Variants in CPNE2 observed in about 807,000 individuals in gnomAD.
CPNE2 encodes the protein copine-2.
A neutral mutation model predicts 69.7 loss-of-function variants in CPNE2; 42 were observed. The observed-to-expected ratio is 0.60, with a 90% CI of 0.47 to 0.78. The LOEUF is 0.78. Among genes scored for constraint, CPNE2 ranks in the 30% least tolerant of loss-of-function variants. The pLI, the probability that CPNE2 is intolerant of heterozygous loss-of-function variation, is 0.00. For synonymous variants in CPNE2, 294 were observed against 289.8 expected (o/e 1.01, Z -0.15); for missense variants, 587 against 732.0 (o/e 0.80, Z 2.29).
chr16:57,134,628 T>G (rs2069863598), intron 12 of CPNE2, 147 bp from the exon 13 acceptor site: 2 of 766,122 alleles, frequency 2.6e-6, no homozygotes, highest in African/African-American at 1.8e-5. Context: ...AAAGCAGATG[T>G]GGGGGGTATC....
rs2069811459 is a variant in CPNE2, at chr16:57,127,835, C to T, written c.1062-14C>T. On this transcript the variant is annotated splice_polypyrimidine_tract_variant and intron_variant, in intron 11 of 15. Transcript: ENST00000290776. ...AGGTGTCTTACAGTGTGTTTCTCTT[C>T]TCTCTCTGATTAGTGATAAGATGTT... 1 of 1,612,404 alleles carries T rather than the reference C, an allele frequency of 6.2e-7. No individual in the cohort carries two copies. Among genetic ancestry groups the T allele is most frequent in the Non-Finnish European group, 8.5e-7 (1 of 1,179,830 alleles).
intron 1 of CPNE2, among the ~76,000 whole-genome samples, chr16:57,093,076 T>TGG (rs1288880348): frequency 2.6e-5 from 4 of 151,544 alleles, no homozygotes; most frequent in African/African-American, 9.7e-5. Flanking sequence ...CCAGCTGCTT[T>TGG]GGGGACCCTT....
intron 15 of CPNE2, chr16:57,147,303 A>G: frequency 2.7e-6 from 1 of 375,720 alleles, no homozygotes; most frequent in South Asian, 1.3e-4. Flanking sequence ...GTTACTCCCA[A>G]GCATCTCAAG....
Position 57,123,402 on chromosome 16 carries a change from G to T in CPNE2, c.868-12G>T, listed in dbSNP as rs370770978. ...GTCAAGGGGACCCACTGACTCATCC[G>T]CTTTCTTCCAGATAAACCGAGACTA... is the stretch of plus-strand genomic sequence containing the variant. On this transcript the variant is annotated splice_polypyrimidine_tract_variant and intron_variant, in intron 9 of 15. Coordinates refer to ENST00000290776, the MANE Select transcript of CPNE2 (RefSeq NM_152727.6). The T allele has an allele frequency of 6.2e-7, 1 of 1,612,268 alleles. No homozygotes were observed. Among genetic ancestry groups the T allele is most frequent in the South Asian group, 1.1e-5 (1 of 91,082 alleles).
At chr16:57,113,182 G>A in intron 2 of CPNE2, 106 bp from the exon 3 acceptor site, 1 of 1,039,114 alleles carries the variant, frequency 9.6e-7, no homozygotes. Flanking sequence ...CAAGAGCCTG[G>A]CACAGAGTAG....
intron 1 of CPNE2, among the ~76,000 whole-genome samples, chr16:57,101,065 G>A (rs80148285): frequency 0.069 from 10,519 of 152,200 alleles, 630 homozygotes; most frequent in African/African-American, 0.14. Context: ...ATTATGTGTG[G>A]CCCTCATTCA....
chr16:57,131,744 C>T (rs2069840102), intron 12 of CPNE2, among the ~76,000 whole-genome samples: 1 of 152,242 alleles, frequency 6.6e-6, no homozygotes, highest in African/African-American at 2.4e-5. Context: ...CCCTCACCCT[C>T]TCTCGCATTC....
At chr16:57,134,888 G>A (rs2069867179) in intron 13 of CPNE2, 62 bp downstream of exon 13, 10 of 1,535,798 alleles carry the variant, frequency 6.5e-6, no homozygotes, top group African/African-American at 2.7e-5. Flanking sequence ...AGCTCCCTGG[G>A]TGGAGGGAGG....
At chr16:57,126,480 G>A (rs1356465894) in intron 11 of CPNE2, among the ~76,000 whole-genome samples, 1 of 151,316 alleles carries the variant, frequency 6.6e-6, no homozygotes, top group African/African-American at 2.5e-5. Context: ...CCATGACCTT[G>A]CTTCCTGGGG....
At chr16:57,110,252 T>C (rs1427251836) in intron 1 of CPNE2, among the ~76,000 whole-genome samples, 1 of 141,338 alleles carries the variant, frequency 7.1e-6, no homozygotes, top group Non-Finnish European at 1.5e-5. Context: ...TGAGATGGTA[T>C]CATTCTGTCG....
rs1412376948 is a variant in CPNE2 at position 57,092,612 on chromosome 16, G to C, written c.-214G>C. ...GCCCGCCCGGCCCGGGAGGAGGACC[G>C]GACCCCGAGCGGCTGGGAGCGCACG... is the stretch of plus-strand genomic sequence containing the variant. On this transcript the variant is annotated 5_prime_UTR_variant, in exon 1 of 16. Transcript: ENST00000290776. This position sits in a 1 kb window ranked among gnomAD's most constrained non-coding sequence, Gnocchi z 5.3. 1 of 149,600 alleles carries C rather than the reference G, an allele frequency of 6.7e-6. No homozygotes were observed. The highest frequency in any genetic ancestry group is 1.5e-5 in the Non-Finnish European group (1 of 67,066). 9.3% of individuals were successfully genotyped at this position (149,600 alleles called of 1,614,324 possible). A position where few individuals can be genotyped will look rare whatever the true frequency, so the allele number is the denominator to read the frequency against.
chr16:57,133,318 G>A (rs8052631), intron 12 of CPNE2, among the ~76,000 whole-genome samples: 144,281 of 152,110 alleles, frequency 0.95, 68,439 homozygotes, highest in Middle Eastern at 0.99. Context: ...TGCCTGAAAC[G>A]GGGAGGAGTC....
At chr16:57,145,965 C>T (rs190228418) in intron 14 of CPNE2, 120 bp from the exon 15 acceptor site, 26 of 813,878 alleles carry the variant, frequency 3.2e-5, no homozygotes, top group Non-Finnish European at 5.0e-5. Flanking sequence ...GACTTGGCTG[C>T]AGCTGGGTAA....
At chr16:57,125,303 G>A (rs555721273) in intron 10 of CPNE2, 3 of 456,094 alleles carry the variant, frequency 6.6e-6, no homozygotes, top group East Asian at 6.9e-5. Flanking sequence ...TCCAGAGTAC[G>A]TGCTGCGGTG....
chr16:57,095,498 G>T (rs1346908217), intron 1 of CPNE2, among the ~76,000 whole-genome samples: 1 of 151,974 alleles, frequency 6.6e-6, no homozygotes, highest in Non-Finnish European at 1.5e-5. Context: ...TTTGAGACAG[G>T]ATCTTGCTCT....
At chr16:57,147,376 C>T (rs1207976569) in intron 15 of CPNE2, 175 bp from the exon 16 acceptor site, 2 of 424,256 alleles carry the variant, frequency 4.7e-6, no homozygotes, top group Non-Finnish European at 8.4e-6. Flanking sequence ...GAATTTCAGG[C>T]CTGGCCTGGG....
intron 12 of CPNE2, among the ~76,000 whole-genome samples, chr16:57,129,842 G>A (rs1292231557): frequency 6.6e-6 from 1 of 152,010 alleles, no homozygotes; most frequent in Non-Finnish European, 1.5e-5. Context: ...AGTGGTTGAT[G>A]GGTCAATGGG....
chr16:57,141,211 T>G (rs1181218373), intron 14 of CPNE2: 1 of 152,306 alleles, frequency 6.6e-6, no homozygotes, highest in Admixed American at 6.5e-5. Flanking sequence ...GACCCAGGTC[T>G]GAGGGGGTTT....
chr16:57,141,393 C>T (rs1249884011), intron 14 of CPNE2: 1 of 152,342 alleles, frequency 6.6e-6, no homozygotes, highest in Non-Finnish European at 1.5e-5. Context: ...GGGAGGCAGC[C>T]ACCTCCTGGC....
Sources: allele counts gnomAD v4.1 joint callset (sites outside exome capture counted in the v4.1 genomes callset), GRCh38; gene constraint gnomAD v4.1.1; non-coding constraint Gnocchi (gnomAD v3.1); transcripts MANE v1.5; gene names NCBI Gene and HGNC (gene_info 2026-07-23, HGNC 2026-07-21).